The following RASSF6 variants were observed in gnomAD, a reference collection of about 807,000 sequenced individuals.
RASSF6 encodes Ras association domain family member 6, also known as ras association domain-containing protein 6.
Under a neutral mutation model 44.0 loss-of-function variants are expected in RASSF6, and 52 were observed. The ratio of observed to expected loss-of-function variants is 1.18; its 90% CI spans 0.95 to 1.49. The LOEUF (loss-of-function observed/expected upper bound fraction) is 1.49. Ranked by LOEUF, RASSF6 falls within the 40% of genes most tolerant of loss-of-function variation. The pLI, the probability that RASSF6 is intolerant of heterozygous loss-of-function variation, is 0.00. For missense variants in RASSF6, 464 were observed against 393.3 expected, an observed-to-expected ratio of 1.18 and a Z score of -1.52; for synonymous variants, 162 against 124.6, an observed-to-expected ratio of 1.30 and a Z score of -2.00.
intron 8 of RASSF6, among the ~76,000 whole-genome samples, chr4:73,578,638 C>CTTT (rs34373374): frequency 7.0e-6 from 1 of 143,426 alleles, no homozygotes; most frequent in Admixed American, 7.0e-5. Context: ...CATTTTTTCT[C>CTTT]TTTTTTTTTT....
rs372771575 is a variant in RASSF6 at position 73,576,411 on chromosome 4, T to C, written c.937A>G (p.Lys313Glu). The change falls in exon 10 of 11, where the codon AAA (lysine) becomes GAA (glutamate). Residue 313 changes from lysine (K) to glutamate (E), a missense_variant and splice_region_variant. Physicochemically the swap from Lys to Glu is moderately conservative, Grantham distance 56 (BLOSUM62 1). Coordinates refer to ENST00000307439, the MANE Select transcript of RASSF6 (RefSeq NM_177532.5). ...CCAATGTGCATGCTCTTGACTTACT[T>C]TGTTACTATTCTTTGAATCTCTCTT... ...EKREIQRIVT[K>E]FNKEKAIILK... 51 of 1,549,690 alleles carry C rather than the reference T, an allele frequency of 3.3e-5. No homozygotes were observed. The highest frequency in any genetic ancestry group is 4.1e-5 in the Non-Finnish European group (46 of 1,133,786).
chr4:73,596,851 T>C (rs1210743654), intron 3 of RASSF6, among the ~76,000 whole-genome samples: 1 of 151,990 alleles, frequency 6.6e-6, no homozygotes, highest in Admixed American at 6.5e-5. Flanking sequence ...TCAACAAATA[T>C]GACAAAAACA....
Position 73,576,292 on chromosome 4 carries a change from C to A in RASSF6, c.957G>T (p.Ala319=), listed in dbSNP as rs146247849. Residue 319 remains alanine (A), a synonymous_variant, in exon 11 of 11, where the codon GCG becomes GCT. Transcript: ENST00000307439. The part of the protein sequence containing the change: ...RIVTKFNKEK[A]IILKCLQNKL... ...TATTTTGAAGACATTTCAGTATAATCGCCTTTTCTTTATTGAATCTGAAAA... is the reference window on the plus strand; with the variant it reads ...TATTTTGAAGACATTTCAGTATAATAGCCTTTTCTTTATTGAATCTGAAAA... 3 of 1,560,506 alleles carry A rather than the reference C, an allele frequency of 1.9e-6. No individual in the cohort carries two copies. The highest frequency in any genetic ancestry group is 1.1e-5 in the South Asian group (1 of 88,074).
rs746051140 is a variant in RASSF6 at position 73,610,633 on chromosome 4, C to T, written c.65+1098G>A. Among the ~76,000 whole-genome samples the T allele has an allele frequency of 3.5e-4, 54 of 152,274 alleles. 1 individual carries two copies. The highest frequency in any genetic ancestry group is 5.2e-4 in the Admixed American group (8 of 15,300). Reference sequence around the variant, plus strand: ...CCATTCCCCTTGCCTGGAATACCTGCGAAAGCTGCATGGCTTGCTTTCTCC... The same window carrying T: ...CCATTCCCCTTGCCTGGAATACCTGTGAAAGCTGCATGGCTTGCTTTCTCC... On this transcript the variant is annotated intron_variant, in intron 2 of 10. Transcript: ENST00000307439.
chr4:73,582,933 A>G (rs1723789836), intron 6 of RASSF6, among the ~76,000 whole-genome samples: 1 of 152,074 alleles, frequency 6.6e-6, no homozygotes, highest in African/African-American at 2.4e-5. Flanking sequence ...GTCTAGGATA[A>G]ACTTTTATAA....
rs770104889 is a variant in RASSF6, at chr4:73,611,797, T to C, written c.-2A>G. The C allele has an allele frequency of 3.1e-6, 5 of 1,609,934 alleles. No individual in the cohort carries two copies. The Admixed American group carries it at 8.3e-5, about 27-fold the overall frequency. On this transcript the variant is annotated 5_prime_UTR_variant, in exon 2 of 11. Transcript: ENST00000307439. ...GTACTGGTGAGCCATCATAGTCATC[T>C]TTTCCTCCTTTTTGAGATGGTCTGA...
In RASSF6 at chr4:73,587,950, T is replaced by C; in HGVS notation, c.288-16A>G. ...GCGTGTCATTCTGAGAAGTAATAAA[T>C]CTTGTAAGTACATCAGTTCCATTTA... is the stretch of plus-strand genomic sequence containing the variant. On this transcript the variant is annotated splice_polypyrimidine_tract_variant and intron_variant, in intron 4 of 10. Transcript: ENST00000307439. The C allele has an allele frequency of 6.6e-7, 1 of 1,518,292 alleles. No homozygotes were observed. The highest frequency in any genetic ancestry group is 9.1e-7 in the Non-Finnish European group (1 of 1,095,080). 94.1% of individuals were successfully genotyped at this position (1,518,292 alleles called of 1,614,324 possible). A position where few individuals can be genotyped will look rare whatever the true frequency, so the allele number is the denominator to read the frequency against.
chr4:73,578,676 T>C (rs1723405616), intron 8 of RASSF6, among the ~76,000 whole-genome samples: 1 of 151,062 alleles, frequency 6.6e-6, no homozygotes, highest in Non-Finnish European at 1.5e-5. Flanking sequence ...TGGCACGATC[T>C]CAGCTCACTG....
chr4:73,577,490 T>C (rs1723314604), intron 8 of RASSF6, among the ~76,000 whole-genome samples: 1 of 152,240 alleles, frequency 6.6e-6, no homozygotes, highest in African/African-American at 2.4e-5. Flanking sequence ...TTCACCTTGC[T>C]TACTTTCTTC....
intron 2 of RASSF6, among the ~76,000 whole-genome samples, chr4:73,599,068 T>A (rs554158328): frequency 6.6e-6 from 1 of 152,342 alleles, no homozygotes; most frequent in East Asian, 1.9e-4. Flanking sequence ...CACTGGTGTG[T>A]GGCTGATACC....
intron 8 of RASSF6, among the ~76,000 whole-genome samples, chr4:73,577,161 T>A (rs543752225): frequency 8.5e-5 from 13 of 152,308 alleles, no homozygotes; most frequent in Non-Finnish European, 1.9e-4. Context: ...TCTTCCTTTG[T>A]CTCGCTCCAC....
At chr4:73,597,537 T>C (rs1295191152) in intron 3 of RASSF6, among the ~76,000 whole-genome samples, 1 of 152,190 alleles carries the variant, frequency 6.6e-6, no homozygotes, top group Non-Finnish European at 1.5e-5. Context: ...TGTAAATTAA[T>C]CTAATCATTG....
intron 2 of RASSF6, among the ~76,000 whole-genome samples, chr4:73,610,423 C>G (rs1296177845): frequency 6.6e-6 from 1 of 152,212 alleles, no homozygotes; most frequent in Admixed American, 6.5e-5. Context: ...CACTCATGTG[C>G]TCAATATCCT....
In RASSF6 at chr4:73,585,271, A is replaced by G. The variant is rs1723994134; in HGVS notation, c.476T>C (p.Leu159Pro). 1 of 1,612,298 alleles carries G rather than the reference A, an allele frequency of 6.2e-7. No individual in the cohort carries two copies. Among genetic ancestry groups the G allele is most frequent in the African/African-American group, 1.3e-5 (1 of 74,772 alleles). The change falls in exon 6 of 11, where the codon CTG becomes CCG. Residue 159 changes from leucine to proline, a missense_variant. Coordinates refer to ENST00000307439, the MANE Select transcript of RASSF6 (RefSeq NM_177532.5). ...VLYRTMSEAA[L>P]VRKRMKPLMM... ...CAGAGGCTTCATCCTTTTTCTCACC[A>G]GAGCTGCTTCACTCATGGTTCTATA...
At chr4:73,612,513 G>A (rs1439639522) in intron 1 of RASSF6, among the ~76,000 whole-genome samples, 1 of 143,936 alleles carries the variant, frequency 6.9e-6, no homozygotes, top group East Asian at 2.0e-4. Flanking sequence ...AAAACGTTGT[G>A]TATAAGGGGG....
intron 4 of RASSF6, among the ~76,000 whole-genome samples, chr4:73,592,625 C>T (rs959680823): frequency 3.9e-5 from 6 of 152,160 alleles, no homozygotes; most frequent in African/African-American, 1.4e-4. Context: ...ACACAAGGGA[C>T]TGTTTTGTGC....
intron 8 of RASSF6, among the ~76,000 whole-genome samples, chr4:73,581,603 A>G (rs1723650912): frequency 6.6e-6 from 1 of 152,196 alleles, no homozygotes; most frequent in South Asian, 2.1e-4. Flanking sequence ...AAACTCTTTC[A>G]TATAATCAAC....
At chr4:73,589,826 G>A (rs1334969253) in intron 4 of RASSF6, among the ~76,000 whole-genome samples, 1 of 152,022 alleles carries the variant, frequency 6.6e-6, no homozygotes, top group Non-Finnish European at 1.5e-5. Flanking sequence ...TTAAATGATG[G>A]GGAGGTTTTC....
In RASSF6 at chr4:73,582,278, T is replaced by A; in HGVS notation, c.580A>T (p.Ile194Phe). ...HFYNHETSIF[I>F]PAFESETKVR... ...TTAGTTTCTGATTCAAAGGCTGGAA[T>A]GAAAATTGATGTCTAGAAAAAGAAT... Residue 194 changes from isoleucine to phenylalanine, a missense_variant, in exon 7 of 11, where the codon ATT becomes TTT. Ile to Phe is a conservative substitution (Grantham distance 21). Transcript: ENST00000307439. The A allele has an allele frequency of 1.3e-6, 2 of 1,558,206 alleles. No individual in the cohort carries two copies. The highest frequency in any genetic ancestry group is 1.8e-6 in the Non-Finnish European group (2 of 1,136,330).
Sources: gnomAD v4.1 joint callset for allele counts (sites outside exome capture counted in the v4.1 genomes callset) on GRCh38, gnomAD v4.1.1 for gene constraint, MANE v1.5 for transcripts, NCBI Gene and HGNC (gene_info 2026-07-23, HGNC 2026-07-21) for gene names.